The following PALLD variants were observed in gnomAD, a reference collection of about 807,000 sequenced individuals.
PALLD encodes the protein palladin, cytoskeletal associated protein.
A neutral mutation model predicts 123.5 loss-of-function variants in PALLD; 61 were observed. The ratio of observed to expected loss-of-function variants is 0.49; its 90% CI spans 0.40 to 0.61. The LOEUF (loss-of-function observed/expected upper bound fraction) is 0.61, where lower values mean the gene tolerates loss of function less well. Ranked by LOEUF, PALLD falls within the 20% of genes least tolerant of loss-of-function variation. The probability of loss-of-function intolerance (pLI) is 0.00; values close to 1 mark genes in which losing one functional copy is unlikely to be tolerated. For synonymous variants in PALLD, 465 were observed against 496.4 expected, an observed-to-expected ratio of 0.94 and a Z score of 0.84; for missense variants, 1,273 against 1,377.0, an observed-to-expected ratio of 0.92 and a Z score of 1.20.
chr4:168,721,498 T>C (rs537475647), intron 10 of PALLD, among the ~76,000 whole-genome samples: 2 of 152,320 alleles, frequency 1.3e-5, no homozygotes, highest in South Asian at 4.1e-4. Flanking sequence ...GTATATTATA[T>C]ATTAGAAGAA....
intron 2 of PALLD, among the ~76,000 whole-genome samples, chr4:168,623,693 A>G (rs1774976448): frequency 6.6e-6 from 1 of 152,246 alleles, no homozygotes; most frequent in South Asian, 2.1e-4. Context: ...GAACTGAAAA[A>G]GCAAGGTTAT....
At chr4:168,643,464 C>T (rs755275683) in intron 2 of PALLD, among the ~76,000 whole-genome samples, 13 of 152,102 alleles carry the variant, frequency 8.5e-5, no homozygotes, top group Non-Finnish European at 1.3e-4. Context: ...TGCTCTATGC[C>T]GTGTATGATT....
rs1392992757 is a variant in PALLD, at chr4:168,926,621, G to C, written c.*441G>C. The C allele has an allele frequency of 2.4e-6, 1 of 417,698 alleles. No homozygotes were observed. Among genetic ancestry groups the C allele is most frequent in the Non-Finnish European group, 4.3e-6 (1 of 233,150 alleles). 25.9% of individuals were successfully genotyped at this position (417,698 alleles called of 1,614,324 possible). A position where few individuals can be genotyped will look rare whatever the true frequency, so the allele number is the denominator to read the frequency against. ...CATTTACTGTCCAATTTAAAACTTT[G>C]GAATTGCTGTGATTAAAGTGATCAA... On this transcript the variant is annotated 3_prime_UTR_variant, in exon 22 of 22. Coordinates refer to ENST00000505667, the MANE Select transcript of PALLD (RefSeq NM_001166108.2).
At chr4:168,512,610 C>A (rs1009785118) in intron 2 of PALLD, among the ~76,000 whole-genome samples, 198 bp downstream of exon 2, 1 of 151,996 alleles carries the variant, frequency 6.6e-6, no homozygotes. Context: ...GGTCATGCAC[C>A]CTCTGTGCTA....
intron 2 of PALLD, among the ~76,000 whole-genome samples, chr4:168,554,911 A>G (rs919137170): frequency 2.6e-5 from 4 of 152,162 alleles, no homozygotes; most frequent in Non-Finnish European, 5.9e-5. Context: ...TATACTATTC[A>G]TATTTATACC....
chr4:168,818,576 C>T (rs563508789), intron 10 of PALLD, among the ~76,000 whole-genome samples: 1 of 152,096 alleles, frequency 6.6e-6, no homozygotes, highest in Non-Finnish European at 1.5e-5. Context: ...CAGAGTGAGA[C>T]CCTGTCTCAA....
chr4:168,761,132 A>G (rs1732765514), intron 10 of PALLD, among the ~76,000 whole-genome samples: 1 of 152,228 alleles, frequency 6.6e-6, no homozygotes, highest in Non-Finnish European at 1.5e-5. Flanking sequence ...TAGTTCTTAA[A>G]CTACTTATAT....
At chr4:168,569,823 C>A (rs2149604049) in intron 2 of PALLD, among the ~76,000 whole-genome samples, 1 of 152,268 alleles carries the variant, frequency 6.6e-6, no homozygotes, top group Middle Eastern at 3.4e-3. Flanking sequence ...CCTTCATTAA[C>A]TCTTCTGCTG....
chr4:168,675,247 C>A (rs1285332777), intron 3 of PALLD, among the ~76,000 whole-genome samples: 2 of 152,082 alleles, frequency 1.3e-5, no homozygotes, highest in Non-Finnish European at 2.9e-5. Context: ...GGATTGGGGT[C>A]AGGAGGAGAG....
Position 168,914,036 on chromosome 4 carries a change from C to T in PALLD, c.2717+15C>T, listed in dbSNP as rs1411944804. ...CATGTCAGAAGGTATTTAACATGTT[C>T]CTTCCCAGAAGTGTTACATTATTTT... is the stretch of plus-strand genomic sequence containing the variant. On this transcript the variant is annotated intron_variant, in intron 16 of 21. Coordinates refer to ENST00000505667, the MANE Select transcript of PALLD (RefSeq NM_001166108.2). The T allele has an allele frequency of 7.0e-7, 1 of 1,432,958 alleles. No homozygotes were observed. Among genetic ancestry groups the T allele is most frequent in the Non-Finnish European group, 9.9e-7 (1 of 1,014,940 alleles). 88.8% of individuals were successfully genotyped at this position (1,432,958 alleles called of 1,614,324 possible).
At chr4:168,687,706 C>T (rs1057474611) in intron 6 of PALLD, among the ~76,000 whole-genome samples, 3 of 152,216 alleles carry the variant, frequency 2.0e-5, no homozygotes, top group Non-Finnish European at 2.9e-5. Context: ...CTCTCAAATA[C>T]TAAGTACAAA....
chr4:168,580,621 G>C (rs144502519), intron 2 of PALLD, among the ~76,000 whole-genome samples: 1 of 151,956 alleles, frequency 6.6e-6, no homozygotes, highest in Non-Finnish European at 1.5e-5. Context: ...TCACATTACC[G>C]GGTATATAGC....
At chr4:168,811,770 TCTCTCTCACACACACA>T (rs1741172652) in intron 10 of PALLD, among the ~76,000 whole-genome samples, 1 of 101,838 alleles carries the variant, frequency 9.8e-6, no homozygotes, top group African/African-American at 3.3e-5. Flanking sequence ...TCTCTCTCTC[TCTCTCTCACACACACA>T]CACACACACA....
chr4:168,596,805 C>T (rs1003814735), intron 2 of PALLD, among the ~76,000 whole-genome samples: 16 of 151,028 alleles, frequency 1.1e-4, no homozygotes, highest in Non-Finnish European at 1.6e-4. Context: ...ATCTCTCTGA[C>T]TTGGAGAAAG....
At chr4:168,857,480 A>G (rs1748772439) in intron 10 of PALLD, among the ~76,000 whole-genome samples, 1 of 152,266 alleles carries the variant, frequency 6.6e-6, no homozygotes. Context: ...CAGCAAACTG[A>G]TAAGCAGCCC....
intron 10 of PALLD, among the ~76,000 whole-genome samples, chr4:168,776,536 A>AT (rs2150527087): frequency 6.6e-6 from 1 of 152,324 alleles, no homozygotes; most frequent in Admixed American, 6.5e-5. Flanking sequence ...CTTCAGTAAA[A>AT]TGTTGAATCA....
chr4:168,896,597 A>G lies in PALLD; in HGVS notation c.2248A>G (p.Lys750Glu). ...TGTAGGGAGTCCTCTGGATGGTCAA[A>G]AGGTTAAGCTTTTCACCTTTCTTCT... is the stretch of plus-strand genomic sequence containing the variant. ...ASVGSPLDGQ[K>E]EYKVSSCEQR... Residue 750 changes from lysine (K) to glutamate (E), a missense_variant and splice_region_variant, in exon 13 of 22, where the codon AAG becomes GAG. Lys to Glu is a moderately conservative substitution (Grantham distance 56). Around this residue, in one of 2 missense-constraint regions of PALLD, gnomAD observed 944 missense variants for 954.5 expected, o/e 0.99. Coordinates refer to ENST00000505667, the MANE Select transcript of PALLD (RefSeq NM_001166108.2). The G allele has an allele frequency of 6.7e-7, 1 of 1,500,564 alleles. No homozygotes were observed. Among genetic ancestry groups the G allele is most frequent in the Non-Finnish European group, 9.0e-7 (1 of 1,114,338 alleles). The allele number at this position is 1,500,564 out of a possible 1,614,324, so 93.0% of individuals were successfully genotyped here.
At chr4:168,626,714 G>GA (rs767084915) in intron 2 of PALLD, among the ~76,000 whole-genome samples, 2,624 of 100,322 alleles carry the variant, frequency 0.026, 49 homozygotes, top group African/African-American at 0.059. Context: ...CTGCCTCCAG[G>GA]AAAAAAAAAA....
At chr4:168,523,739 T>G (rs62333836) in intron 2 of PALLD, among the ~76,000 whole-genome samples, 13,901 of 152,146 alleles carry the variant, frequency 0.091, 844 homozygotes, top group Non-Finnish European at 0.13. Flanking sequence ...ACGGTAACAT[T>G]CAACCACCAT....
Sources: gnomAD v4.1 joint callset for allele counts (sites outside exome capture counted in the v4.1 genomes callset) on GRCh38, gnomAD v4.1.1 for gene constraint, gnomAD v4.1.1 regional missense constraint, MANE v1.5 for transcripts, NCBI Gene and HGNC (gene_info 2026-07-23, HGNC 2026-07-21) for gene names.